Variants in SF3A3 observed in about 807,000 individuals in gnomAD.
SF3A3 encodes the protein splicing factor 3a subunit 3, also known as SAP 61.
A neutral mutation model predicts 85.8 loss-of-function variants in SF3A3; 9 were observed. The observed-to-expected ratio is 0.10, with a 90% CI of 0.06 to 0.18. SF3A3 has a LOEUF of 0.18. SF3A3 is among the 10% of genes least tolerant of loss of function. The pLI, the probability that SF3A3 is intolerant of heterozygous loss-of-function variation, is 1.00. For missense variants in SF3A3, 306 were observed against 593.3 expected (o/e 0.52, Z 5.03); for synonymous variants, 195 against 204.4 (o/e 0.95, Z 0.39).
chr1:37,989,974 A>G lies in SF3A3; in HGVS notation c.-9T>C. On this transcript the variant is annotated 5_prime_UTR_variant, in exon 1 of 17. Transcript: ENST00000373019. ...TCCAGTATTGTCTCCATCTTCCCTT[A>G]GTCGCGGCTTCTCAATTCAGACCAC... 1 of 1,604,842 alleles carries G rather than the reference A, an allele frequency of 6.2e-7. No individual in the cohort carries two copies. The highest frequency in any genetic ancestry group is 8.5e-7 in the Non-Finnish European group (1 of 1,175,844).
chr1:37,971,011 G>A (rs915531816), intron 12 of SF3A3, among the ~76,000 whole-genome samples: 24 of 151,856 alleles, frequency 1.6e-4, no homozygotes, highest in Non-Finnish European at 3.2e-4. Flanking sequence ...AAGATCAGAG[G>A]AGAAGTGAAG....
chr1:37,978,875 G>T, intron 10 of SF3A3, 48 bp from the exon 11 acceptor site: 1 of 1,568,496 alleles, frequency 6.4e-7, no homozygotes, highest in Non-Finnish European at 8.7e-7. Context: ...TTACCACACA[G>T]GCTGGCTTAT....
In SF3A3 at chr1:37,969,472, A is replaced by C; in HGVS notation, c.1171-8T>G. On this transcript the variant is annotated splice_polypyrimidine_tract_variant and splice_region_variant and intron_variant, in intron 13 of 16. Transcript: ENST00000373019. Reference sequence around the variant, plus strand: ...CAGCCAGTAGGGAATAGGCTAAAAAAGAAAAAAACAAAACAAAACCAAGAA... The same window carrying C: ...CAGCCAGTAGGGAATAGGCTAAAAACGAAAAAAACAAAACAAAACCAAGAA... 1 of 1,613,380 alleles carries C rather than the reference A, an allele frequency of 6.2e-7. No individual in the cohort carries two copies. The highest frequency in any genetic ancestry group is 1.1e-5 in the South Asian group (1 of 91,072).
chr1:37,963,152 C>G (rs1226234068), intron 15 of SF3A3, among the ~76,000 whole-genome samples: 1 of 151,638 alleles, frequency 6.6e-6, no homozygotes, highest in Non-Finnish European at 1.5e-5. Context: ...AGGCTAAAAT[C>G]TCCAAGAGAG....
intron 15 of SF3A3, among the ~76,000 whole-genome samples, chr1:37,961,206 C>T (rs1413557411): frequency 2.6e-5 from 4 of 152,128 alleles, no homozygotes; most frequent in Admixed American, 1.3e-4. Flanking sequence ...GTAAATAAAA[C>T]AATATATGAT....
At position 37,968,096 on chromosome 1, in the gene SF3A3, G is replaced by T; in HGVS notation, c.1320C>A (p.Ile440=). The T allele has an allele frequency of 6.2e-7, 1 of 1,613,386 alleles. No homozygotes were observed. The highest frequency in any genetic ancestry group is 8.5e-7 in the Non-Finnish European group (1 of 1,179,398). The change falls in exon 15 of 17, where the codon ATC becomes ATA. Residue 440 remains isoleucine (I), a synonymous_variant. Transcript: ENST00000373019. ...RHAHGMRCLG[I]PNTAHFANVT... is the part of the protein sequence containing the mutation. ...CATTAGCAAAGTGAGCAGTGTTTGG[G>T]ATGCCCAAACACCTCATGCCATGAG...
intron 4 of SF3A3, 29 bp downstream of exon 4, chr1:37,987,544 C>G: frequency 6.7e-7 from 1 of 1,488,950 alleles, no homozygotes; most frequent in Non-Finnish European, 9.4e-7. Flanking sequence ...AAGGATAGGT[C>G]TGGAGAAAAT....
At chr1:37,983,218 G>A (rs1023282238) in intron 6 of SF3A3, among the ~76,000 whole-genome samples, 1 of 148,652 alleles carries the variant, frequency 6.7e-6, no homozygotes, top group South Asian at 2.1e-4. Context: ...GATTACAGGC[G>A]TGAGCAACTG....
chr1:37,975,709 C>G (rs1417805201), intron 12 of SF3A3, among the ~76,000 whole-genome samples: 2 of 152,184 alleles, frequency 1.3e-5, no homozygotes, highest in Non-Finnish European at 2.9e-5. Context: ...AACAGAATCA[C>G]AGGTGACTAG....
intron 15 of SF3A3, among the ~76,000 whole-genome samples, chr1:37,962,603 CAAAAAAAAAAA>C: frequency 1.2e-5 from 1 of 80,264 alleles, no homozygotes; most frequent in Middle Eastern, 7.7e-3. Context: ...AACTCCATCT[CAAAAAAAAAAA>C]AAAAAAAAAA....
chr1:37,969,279 C>T, intron 14 of SF3A3, 75 bp downstream of exon 14: 1 of 1,088,622 alleles, frequency 9.2e-7, no homozygotes, highest in Non-Finnish European at 1.4e-6. Flanking sequence ...TCCACATAGG[C>T]TGCTCCTACT....
chr1:37,981,141 G>A (rs1246366429), intron 7 of SF3A3, among the ~76,000 whole-genome samples: 4 of 151,900 alleles, frequency 2.6e-5, no homozygotes, highest in African/African-American at 7.3e-5. Context: ...GAGCCACCGC[G>A]CCCGGCCAAT....
intron 8 of SF3A3, 59 bp from the exon 9 acceptor site, chr1:37,979,592 A>C: frequency 4.2e-5 from 57 of 1,354,774 alleles, no homozygotes; most frequent in Non-Finnish European, 5.6e-5. Context: ...GTGGTGGCTC[A>C]CACCTGTAAT....
At position 37,966,241 on chromosome 1, in the gene SF3A3, T is replaced by TA. The variant is rs67524417; in HGVS notation, c.1372+1802dup. On this transcript the variant is annotated intron_variant, in intron 15 of 16. Coordinates refer to ENST00000373019, the MANE Select transcript of SF3A3 (RefSeq NM_006802.4). ...AATAAATTAATTAATTAAATTAAATTAAAAAAAAAGAAGAAAAGAAAAGGC... is the reference window on the plus strand; with the variant it reads ...AATAAATTAATTAATTAAATTAAATTAAAAAAAAAAGAAGAAAAGAAAAGGC... Among the ~76,000 whole-genome samples the TA allele has an allele frequency of 2.0e-3, 298 of 150,070 alleles. 2 individuals are homozygous for TA. Among genetic ancestry groups the TA allele is most frequent in the African/African-American group, 6.6e-3 (272 of 40,904 alleles).
chr1:37,957,367 A>C lies in SF3A3; in HGVS notation c.*819T>G. The C allele has an allele frequency of 6.9e-6, 1 of 144,588 alleles. No individual in the cohort carries two copies. Among genetic ancestry groups the C allele is most frequent in the African/African-American group, 2.6e-5 (1 of 38,702 alleles). The allele number at this position is 144,588 out of a possible 1,614,324, so 9.0% of individuals were successfully genotyped here. On this transcript the variant is annotated 3_prime_UTR_variant, in exon 17 of 17. Transcript: ENST00000373019. ...TTGGGCTGCAGGCCCATTCCAACAC[A>C]GCCCAACTCCCCCCCCCCCCCCTTT...
intron 15 of SF3A3, among the ~76,000 whole-genome samples, chr1:37,965,621 G>A (rs1002109689): frequency 4.6e-5 from 7 of 151,876 alleles, no homozygotes; most frequent in Admixed American, 1.3e-4. Flanking sequence ...AGGCATGGTG[G>A]CACAAGCCTG....
chr1:37,969,508 A>T lies in SF3A3; in HGVS notation c.1171-44T>A, dbSNP rs564927848. Reference sequence around the variant, plus strand: ...AAACAAAACCAAGAAGTGTTAGCCTACTAAACTCTGTATCTGTTTCCAAAA... The same window carrying T: ...AAACAAAACCAAGAAGTGTTAGCCTTCTAAACTCTGTATCTGTTTCCAAAA... On this transcript the variant is annotated intron_variant, in intron 13 of 16. Coordinates refer to ENST00000373019, the MANE Select transcript of SF3A3 (RefSeq NM_006802.4). 27 of 1,613,330 alleles carry T rather than the reference A, an allele frequency of 1.7e-5. No homozygotes were observed. The African/African-American group carries it at 3.6e-4, about 21-fold the overall frequency.
rs1172115903 is a variant in SF3A3, at chr1:37,957,169, T to TCAACTCTACC, written c.*1007_*1016dup. The TCAACTCTACC allele has an allele frequency of 1.3e-5, 2 of 152,172 alleles. No individual in the cohort carries two copies. Among genetic ancestry groups the TCAACTCTACC allele is most frequent in the African/African-American group, 4.8e-5 (2 of 41,420 alleles). 9.4% of individuals were successfully genotyped at this position (152,172 alleles called of 1,614,324 possible). On this transcript the variant is annotated 3_prime_UTR_variant, in exon 17 of 17. Transcript: ENST00000373019. ...CACATTTGGATCCTGGGGCAGCTGC[T>TCAACTCTACC]CAACTCTACCCAACTCTACCATGGC...
intron 4 of SF3A3, among the ~76,000 whole-genome samples, chr1:37,985,114 G>A (rs1049508489): frequency 3.3e-5 from 5 of 152,068 alleles, no homozygotes; most frequent in Non-Finnish European, 4.4e-5. Context: ...GACCGCAGGC[G>A]GATTTTTCAA....
Sources: gnomAD v4.1 joint callset for allele counts (sites outside exome capture counted in the v4.1 genomes callset) on GRCh38, gnomAD v4.1.1 for gene constraint, MANE v1.5 for transcripts, NCBI Gene and HGNC (gene_info 2026-07-23, HGNC 2026-07-21) for gene names.